RNF213: variants seen among roughly 807,000 people sequenced by gnomAD.
RNF213 encodes the protein E3 ubiquitin-protein ligase RNF213.
RNF213 carries 341 observed loss-of-function variants against 514.4 expected under a neutral mutation model. That is an observed-to-expected ratio of 0.66 (90% CI 0.61 to 0.73). The LOEUF (loss-of-function observed/expected upper bound fraction) is 0.73, where lower values mean the gene tolerates loss of function less well. RNF213 is among the 30% of genes least tolerant of loss of function. The probability of loss-of-function intolerance (pLI) is 0.00; values close to 1 mark genes in which losing one functional copy is unlikely to be tolerated. For synonymous variants in RNF213, 2,655 were observed against 2,658.2 expected (o/e 1.00, Z 0.04); for missense variants, 5,767 against 6,615.6 (o/e 0.87, Z 4.45).
chr17:80,365,045 CTAA>C (rs932646231), intron 42 of RNF213: 2 of 214,358 alleles, frequency 9.3e-6, no homozygotes, highest in Non-Finnish European at 1.9e-5. Context: ...CATAAAGCTA[CTAA>C]TGTGGGGTGG....
chr17:80,283,455 A>G (rs1454831799), intron 3 of RNF213, among the ~76,000 whole-genome samples: 1 of 152,252 alleles, frequency 6.6e-6, no homozygotes, highest in African/African-American at 2.4e-5. Context: ...TCTCTCCTGC[A>G]GTTGCGTCTG....
intron 11 of RNF213, among the ~76,000 whole-genome samples, chr17:80,305,233 C>T (rs897615430): frequency 2.8e-5 from 4 of 141,806 alleles, no homozygotes; most frequent in Non-Finnish European, 4.5e-5. Context: ...TGCTGGAGTA[C>T]AATGGCACGA....
chr17:80,306,169 T>A, intron 11 of RNF213, 83 bp from the exon 12 acceptor site: 2 of 1,318,590 alleles, frequency 1.5e-6, no homozygotes, highest in East Asian at 2.3e-5. Flanking sequence ...GGACTGTTTC[T>A]GTCCCTCCAG....
At chr17:80,304,788 A>T (rs1483343412) in intron 11 of RNF213, among the ~76,000 whole-genome samples, 2 of 152,070 alleles carry the variant, frequency 1.3e-5, no homozygotes, top group Non-Finnish European at 2.9e-5. Flanking sequence ...GCACATTCAC[A>T]CTGCTGTGTA....
chr17:80,356,349 A>G (rs569764650), intron 36 of RNF213, among the ~76,000 whole-genome samples: 3 of 152,240 alleles, frequency 2.0e-5, no homozygotes, highest in African/African-American at 7.2e-5. Context: ...ACCAGCCCTG[A>G]GTCACTGAAC....
rs1444513672 is a variant in RNF213, at chr17:80,337,650, G to A, written c.4592G>A (p.Arg1531His). ...AATGAGAGTCATGGGTCTGTGGAACGCTCATCCCTGACCCTGGCCACGGCC... is the reference window on the plus strand; with the variant it reads ...AATGAGAGTCATGGGTCTGTGGAACACTCATCCCTGACCCTGGCCACGGCC... Reference protein sequence around the residue: ...TVNESHGSVERSSLTLATAIN... With the variant: ...TVNESHGSVEHSSLTLATAIN... The change falls in exon 24 of 68, where the codon CGC becomes CAC. Residue 1531 changes from arginine to histidine, a missense_variant. Transcript: ENST00000582970. 1.4e-5 allele frequency: 21 copies of A among 1,537,142 alleles called. No individual in the cohort carries two copies. Among genetic ancestry groups the A allele is most frequent in the Admixed American group, 2.0e-5 (1 of 50,982 alleles).
Position 80,332,617 on chromosome 17 carries a change from A to C in RNF213, c.4129A>C (p.Thr1377Pro). 6.7e-7 allele frequency: 1 copy of C among 1,493,980 alleles called. No individual in the cohort carries two copies. Among genetic ancestry groups the C allele is most frequent in the Non-Finnish European group, 8.9e-7 (1 of 1,126,066 alleles). 92.5% of individuals were successfully genotyped at this position (1,493,980 alleles called of 1,614,324 possible). A position where few individuals can be genotyped will look rare whatever the true frequency, so the allele number is the denominator to read the frequency against. ...GAACGGTGACTTCAGTGTTCTCAAC[A>C]CTTTACTAAATTTTGTAAGTTATTT... Reference protein sequence around the residue: ...GLNGDFSVLNTLLNFTDNFDD... With the variant: ...GLNGDFSVLNPLLNFTDNFDD... The change falls in exon 21 of 68, where the codon ACT (threonine) becomes CCT (proline). Residue 1377 changes from threonine to proline, a missense_variant. By Grantham distance (38) the Thr-to-Pro change is conservative (BLOSUM62 -1). Coordinates refer to ENST00000582970, the MANE Select transcript of RNF213 (RefSeq NM_001256071.3).
rs539312403 is a variant in RNF213, at chr17:80,317,577, C to T, written c.2901+300C>T. 4.6e-5 allele frequency among the ~76,000 whole-genome samples: 7 copies of T among 152,266 alleles called. No homozygotes were observed. Among genetic ancestry groups the T allele is most frequent in the South Asian group, 2.1e-4 (1 of 4,818 alleles). On this transcript the variant is annotated intron_variant, in intron 16 of 67. Transcript: ENST00000582970. The surrounding 1 kb of genome is among the most constrained non-coding windows in gnomAD (Gnocchi z 4.1). The stretch of plus-strand genomic sequence containing the variant: ...ACAGGGATGCTGTGTTTACTTGGCC[C>T]GCCGTGCTCAACCCCTTGTGGGAGG...
chr17:80,306,172 C>G (rs1211552829), intron 11 of RNF213, 80 bp from the exon 12 acceptor site: 30 of 1,340,528 alleles, frequency 2.2e-5, no homozygotes, highest in Non-Finnish European at 3.1e-5. Context: ...CTGTTTCTGT[C>G]CCTCCAGCAT....
At chr17:80,362,591 C>A (rs1297722316) in intron 39 of RNF213, among the ~76,000 whole-genome samples, 7 of 152,210 alleles carry the variant, frequency 4.6e-5, no homozygotes, top group African/African-American at 1.7e-4. Flanking sequence ...ATAGCCAGGC[C>A]ACGCGGCTGA....
chr17:80,371,865 T>C lies in RNF213; in HGVS notation c.12426-9T>C. ...GAGAGAACCAGGAATAATATTTCTC[T>C]TTCTGCAGCTTTCATGATGTAAAAG... On this transcript the variant is annotated splice_polypyrimidine_tract_variant and intron_variant, in intron 46 of 67. Transcript: ENST00000582970. 7.5e-7 allele frequency: 1 copy of C among 1,334,276 alleles called. No individual in the cohort carries two copies. 82.7% of individuals were successfully genotyped at this position (1,334,276 alleles called of 1,614,324 possible).
chr17:80,340,205 C>A lies in RNF213; in HGVS notation c.5838C>A (p.His1946Gln). The A allele has an allele frequency of 6.2e-7, 1 of 1,614,164 alleles. No homozygotes were observed. The highest frequency in any genetic ancestry group is 8.5e-7 in the Non-Finnish European group (1 of 1,180,014). Reference sequence around the variant, plus strand: ...ACCTCCCCTCTGCCTTCAGCCAGCACAAGGTCTTCGTCACCCCCCAGGCAC... The same window carrying A: ...ACCTCCCCTCTGCCTTCAGCCAGCAAAAGGTCTTCGTCACCCCCCAGGCAC... ...HCYLPSAFSQHKVFVTPQAPL... is the reference protein window; with the variant it reads ...HCYLPSAFSQQKVFVTPQAPL... Residue 1946 changes from histidine (H) to glutamine (Q), a missense_variant, in exon 26 of 68, where the codon CAC becomes CAA. His to Gln is a conservative substitution (Grantham distance 24). This residue lies in a region of RNF213 where 1,377 missense variants were observed against 1,635.2 expected (regional missense o/e 0.84). Transcript: ENST00000582970.
chr17:80,332,590 C>G lies in RNF213; in HGVS notation c.4102C>G (p.Leu1368Val). Residue 1368 changes from leucine to valine, a missense_variant, in exon 21 of 68, where the codon CTG (leucine) becomes GTG (valine). Around this residue, in one of 13 missense-constraint regions of RNF213, gnomAD observed 516 missense variants for 566.5 expected, o/e 0.91. Transcript: ENST00000582970. ...CTTGCAGGTCAAAGAGAGCCTGGGA[C>G]TGAACGGTGACTTCAGTGTTCTCAA... ...VILQVKESLGLNGDFSVLNTL... is the reference protein window; with the variant it reads ...VILQVKESLGVNGDFSVLNTL... The G allele has an allele frequency of 2.0e-6, 3 of 1,524,364 alleles. No individual in the cohort carries two copies. Among genetic ancestry groups the G allele is most frequent in the Non-Finnish European group, 2.6e-6 (3 of 1,139,704 alleles). 94.4% of individuals were successfully genotyped at this position (1,524,364 alleles called of 1,614,324 possible).
intron 14 of RNF213, among the ~76,000 whole-genome samples, chr17:80,311,207 C>T (rs1186413210): frequency 6.6e-6 from 1 of 152,144 alleles, no homozygotes; most frequent in Admixed American, 6.5e-5. Flanking sequence ...AACAAACAAA[C>T]AAAAAACCTT....
rs1568135195 is a variant in RNF213, at chr17:80,363,186, G to A, written c.11440G>A (p.Val3814Met). 11 of 1,614,088 alleles carry A rather than the reference G, an allele frequency of 6.8e-6. No individual in the cohort carries two copies. The highest frequency in any genetic ancestry group is 2.2e-5 in the East Asian group (1 of 44,896). The change falls in exon 40 of 68, where the codon GTG (valine) becomes ATG (methionine). Residue 3814 changes from valine (V) to methionine (M), a missense_variant. Val to Met is a conservative substitution (Grantham distance 21). Transcript: ENST00000582970. ...APEEEVSLPWVHLAYQRFRSR... is the reference protein window; with the variant it reads ...APEEEVSLPWMHLAYQRFRSR... ...CGAGGAAGAGGTTTCCTTACCGTGG[G>A]TGCACCTTGCCTACCAGCGTTTCAG...
chr17:80,379,524 C>A, intron 54 of RNF213, 96 bp from the exon 55 acceptor site: 1 of 1,158,602 alleles, frequency 8.6e-7, no homozygotes, highest in Non-Finnish European at 1.3e-6. Flanking sequence ...GTGCTCACGT[C>A]TGCCGGTGAT....
chr17:80,374,083 T>C (rs924129938), intron 49 of RNF213, among the ~76,000 whole-genome samples: 2 of 151,918 alleles, frequency 1.3e-5, no homozygotes, highest in African/African-American at 4.8e-5. Flanking sequence ...CAAATTCTTA[T>C]TGTCCAGGGG....
At chr17:80,266,419 A>G (rs1253290087) in intron 2 of RNF213, among the ~76,000 whole-genome samples, 5 of 148,274 alleles carry the variant, frequency 3.4e-5, no homozygotes, top group Admixed American at 6.6e-5. Context: ...GTCTTAGAAG[A>G]AAAGAAAAGG....
At chr17:80,281,075 C>T (rs112085363) in intron 3 of RNF213, among the ~76,000 whole-genome samples, 81 of 149,472 alleles carry the variant, frequency 5.4e-4, no homozygotes, top group African/African-American at 1.9e-3. Flanking sequence ...GTCACACACA[C>T]CCCCCGCCAC....
Sources: gnomAD v4.1 joint callset for allele counts (sites outside exome capture counted in the v4.1 genomes callset) on GRCh38, gnomAD v4.1.1 for gene constraint, gnomAD v4.1.1 regional missense constraint, Gnocchi (gnomAD v3.1) non-coding constraint, MANE v1.5 for transcripts, NCBI Gene and HGNC (gene_info 2026-07-23, HGNC 2026-07-21) for gene names.